The following AGBL4 variants were observed in gnomAD, a reference collection of about 807,000 sequenced individuals.
AGBL4 encodes the protein cytosolic carboxypeptidase 6.
A neutral mutation model predicts 66.4 loss-of-function variants in AGBL4; 58 were observed. The ratio of observed to expected loss-of-function variants is 0.87; its 90% CI spans 0.71 to 1.09. The LOEUF (loss-of-function observed/expected upper bound fraction) is 1.09, where lower values mean the gene tolerates loss of function less well. Ranked by LOEUF, AGBL4 falls within the 50% of genes least tolerant of loss-of-function variation. The pLI is 0.00. For missense variants in AGBL4, 579 were observed against 631.0 expected (o/e 0.92, Z 0.88); for synonymous variants, 234 against 222.9 (o/e 1.05, Z -0.44).
intron 1 of AGBL4, among the ~76,000 whole-genome samples, chr1:49,935,962 C>G (rs1057000558): frequency 1.3e-5 from 2 of 152,174 alleles, no homozygotes; most frequent in African/African-American, 2.4e-5. Flanking sequence ...AGTTCCTCCC[C>G]AGCAATGGAA....
intron 6 of AGBL4, among the ~76,000 whole-genome samples, chr1:48,723,633 G>C (rs1049928529): frequency 5.3e-5 from 8 of 152,174 alleles, no homozygotes; most frequent in African/African-American, 1.9e-4. Context: ...AGGTTTTAAA[G>C]TTTTCCTTTT....
intron 3 of AGBL4, among the ~76,000 whole-genome samples, chr1:49,529,182 G>C (rs942947233): frequency 6.6e-6 from 1 of 152,072 alleles, no homozygotes; most frequent in Non-Finnish European, 1.5e-5. Flanking sequence ...ATAGGTAAAA[G>C]CCTGAAATAA....
chr1:49,980,480 T>G (rs1334043908), intron 1 of AGBL4, among the ~76,000 whole-genome samples: 1 of 152,202 alleles, frequency 6.6e-6, no homozygotes, highest in Non-Finnish European at 1.5e-5. Flanking sequence ...AATAATAAAT[T>G]TGACTACTTT....
rs191787770 is a variant in AGBL4, at chr1:49,958,332, T to C, written c.34+65431A>G. ...TCAACTTTGGTGAATCTGACAATTA[T>C]GTGTCTTGGAGTTGCTCTTCTTGAG... On this transcript the variant is annotated intron_variant, in intron 1 of 13. Coordinates refer to ENST00000371839, the MANE Select transcript of AGBL4 (RefSeq NM_032785.4). Among the ~76,000 whole-genome samples the C allele has an allele frequency of 3.9e-4, 59 of 152,174 alleles. 1 individual carries two copies. The East Asian group carries it at 0.011, about 29-fold the overall frequency.
rs573245319 is a variant in AGBL4 at position 49,129,559 on chromosome 1, C to T, written c.378-83759G>A. 1.1e-4 allele frequency among the ~76,000 whole-genome samples: 17 copies of T among 150,956 alleles called. No homozygotes were observed. The East Asian group carries it at 1.4e-3, about 12-fold the overall frequency. ...ATTCCCACCTATGAGTGAGAACATG[C>T]GGTGTTTGGTTTTTTGTCCTTGCGA... is the stretch of plus-strand genomic sequence containing the variant. On this transcript the variant is annotated intron_variant, in intron 4 of 13. Transcript: ENST00000371839.
At chr1:49,883,013 A>G (rs1437445755) in intron 1 of AGBL4, among the ~76,000 whole-genome samples, 1 of 152,274 alleles carries the variant, frequency 6.6e-6, no homozygotes. Context: ...CATGCAAAAA[A>G]TTTAACATGG....
chr1:48,759,004 T>C, intron 6 of AGBL4: 1 of 1,613,982 alleles, frequency 6.2e-7, no homozygotes, highest in Non-Finnish European at 8.5e-7. Context: ...CTTCTTGGCC[T>C]GTTGTACCAG....
chr1:48,641,099 C>T (rs1271812680), intron 8 of AGBL4, among the ~76,000 whole-genome samples: 1 of 152,150 alleles, frequency 6.6e-6, no homozygotes, highest in Non-Finnish European at 1.5e-5. Context: ...CCAAACACAG[C>T]AGTTTTTCAG....
At chr1:49,158,764 A>G (rs191486430) in intron 4 of AGBL4, among the ~76,000 whole-genome samples, 153 of 151,918 alleles carry the variant, frequency 1.0e-3, no homozygotes, top group Non-Finnish European at 1.3e-3. Context: ...TATTGGCCGC[A>G]TATATATTTA....
At chr1:49,492,659 T>G (rs1647218918) in intron 3 of AGBL4, among the ~76,000 whole-genome samples, 1 of 152,000 alleles carries the variant, frequency 6.6e-6, no homozygotes, top group Admixed American at 6.6e-5. Flanking sequence ...ATATGGAAGC[T>G]TCCCCATGTA....
At chr1:49,943,584 C>T (rs1557603443) in intron 1 of AGBL4, among the ~76,000 whole-genome samples, 1 of 152,032 alleles carries the variant, frequency 6.6e-6, no homozygotes, top group African/African-American at 2.4e-5. Context: ...ATTTAGAGAA[C>T]CGAGAGAAAT....
At chr1:48,851,722 A>G (rs1289754929) in intron 6 of AGBL4, among the ~76,000 whole-genome samples, 1 of 152,232 alleles carries the variant, frequency 6.6e-6, no homozygotes, top group Non-Finnish European at 1.5e-5. Context: ...GCCATCAAAG[A>G]ACGGACTTCA....
At chr1:49,228,021 C>T (rs940827778) in intron 4 of AGBL4, among the ~76,000 whole-genome samples, 1 of 152,186 alleles carries the variant, frequency 6.6e-6, no homozygotes, top group African/African-American at 2.4e-5. Flanking sequence ...ATATCCATAG[C>T]ATCTTCTCAT....
intron 3 of AGBL4, among the ~76,000 whole-genome samples, chr1:49,279,566 C>CT (rs568130092): frequency 3.5e-4 from 50 of 144,702 alleles, no homozygotes; most frequent in East Asian, 4.0e-4. Context: ...GAAGACCCGT[C>CT]TTTTTTTTTT....
In AGBL4 at chr1:48,925,517, G is replaced by GT. The variant is rs1013189833; in HGVS notation, c.595-58288dup. 1.9e-4 allele frequency among the ~76,000 whole-genome samples: 29 copies of GT among 150,776 alleles called. No homozygotes were observed. The East Asian group carries it at 1.9e-3, about 10-fold the overall frequency. On this transcript the variant is annotated intron_variant, in intron 5 of 13. Transcript: ENST00000371839. ...TAAAACATTATGAGATTTTTTTTGTGTTTTTTTTTAAAAGCTCATCAGCTA... is the reference window on the plus strand; with the variant it reads ...TAAAACATTATGAGATTTTTTTTGTGTTTTTTTTTTAAAAGCTCATCAGCTA...
intron 5 of AGBL4, among the ~76,000 whole-genome samples, chr1:49,023,745 C>T (rs1663423705): frequency 6.6e-6 from 1 of 152,254 alleles, no homozygotes; most frequent in Non-Finnish European, 1.5e-5. Flanking sequence ...ATAATTTATT[C>T]ATAGCCACCA....
At chr1:48,765,766 A>T (rs1297965025) in intron 6 of AGBL4, among the ~76,000 whole-genome samples, 1 of 152,250 alleles carries the variant, frequency 6.6e-6, no homozygotes, top group East Asian at 1.9e-4. Flanking sequence ...CTCATGTTAC[A>T]ACATGGATGA....
intron 3 of AGBL4, among the ~76,000 whole-genome samples, chr1:49,395,057 C>T (rs1312829746): frequency 6.6e-6 from 1 of 152,168 alleles, no homozygotes; most frequent in Non-Finnish European, 1.5e-5. Context: ...ACTCTATAAG[C>T]TGAGTCATAA....
chr1:49,099,034 C>T (rs746501371), intron 4 of AGBL4, among the ~76,000 whole-genome samples: 4 of 152,112 alleles, frequency 2.6e-5, no homozygotes, highest in Admixed American at 6.5e-5. Flanking sequence ...CAGAGGAAGG[C>T]GAATGGGAAA....
Sources: allele counts gnomAD v4.1 joint callset (sites outside exome capture counted in the v4.1 genomes callset), GRCh38; gene constraint gnomAD v4.1.1; transcripts MANE v1.5; gene names NCBI Gene and HGNC (gene_info 2026-07-23, HGNC 2026-07-21).